CD1B: variants seen among roughly 807,000 people sequenced by gnomAD.
CD1B encodes the protein T-cell surface glycoprotein CD1b.
CD1B carries 43 observed loss-of-function variants against 39.8 expected under a neutral mutation model. The ratio of observed to expected loss-of-function variants is 1.08; its 90% confidence interval spans 0.85 to 1.39. The LOEUF (loss-of-function observed/expected upper bound fraction) is 1.39. CD1B is among the 40% of genes most tolerant of loss of function. The probability of loss-of-function intolerance (pLI) is 0.00; values close to 1 mark genes in which losing one functional copy is unlikely to be tolerated. For synonymous variants in CD1B, 192 were observed against 152.5 expected, an observed-to-expected ratio of 1.26 and a Z score of -1.91; for missense variants, 495 against 403.8, an observed-to-expected ratio of 1.23 and a Z score of -1.94.
the CD1B span, among the ~76,000 whole-genome samples, chr1:158,299,397 T>C: frequency 1.2e-4 from 18 of 152,340 alleles, no homozygotes; most frequent in South Asian, 3.7e-3. Flanking sequence ...CTTTTTGATG[T>C]GCTGCTGGAT....
intron 2 of CD1B, chr1:158,330,548 A>G (rs1557822564): frequency 1.5e-6 from 1 of 673,722 alleles, no homozygotes; most frequent in South Asian, 1.5e-5. Flanking sequence ...TTCACATAAG[A>G]CAAACCAGCA....
At chr1:158,324,284 C>T (rs1652276894), downstream of CD1B, among the ~76,000 whole-genome samples, 1 of 152,138 alleles carries the variant, frequency 6.6e-6, no homozygotes, top group South Asian at 2.1e-4. Flanking sequence ...GGTCTGCAAT[C>T]CCAAAGCTGC....
At chr1:158,312,320 C>T in the CD1B span, among the ~76,000 whole-genome samples, 42 of 152,286 alleles carry the variant, frequency 2.8e-4, no homozygotes, top group South Asian at 2.9e-3. Flanking sequence ...AGTTTCCATG[C>T]ACAAACTCTC....
chr1:158,306,883 G>A, the CD1B span, among the ~76,000 whole-genome samples: 2,584 of 152,132 alleles, frequency 0.017, 30 homozygotes, highest in Non-Finnish European at 0.027. Context: ...TGAAACCAAC[G>A]AGAACAAAGA....
the CD1B span, among the ~76,000 whole-genome samples, chr1:158,289,102 G>T: frequency 0.031 from 4,784 of 152,216 alleles, 240 homozygotes; most frequent in African/African-American, 0.11. Flanking sequence ...CTTCCCAGGG[G>T]GTTAGTCAGT....
At chr1:158,294,451 C>T in the CD1B span, among the ~76,000 whole-genome samples, 1 of 152,098 alleles carries the variant, frequency 6.6e-6, no homozygotes, top group Non-Finnish European at 1.5e-5. Context: ...ATGTTTGCTT[C>T]CTCAATCTGT....
At position 158,329,494 on chromosome 1, in the gene CD1B, C is replaced by T; in HGVS notation, c.762G>A (p.Leu254=). 1 of 1,614,150 alleles carries T rather than the reference C, an allele frequency of 6.2e-7. No individual in the cohort carries two copies. The highest frequency in any genetic ancestry group is 1.7e-5 in the Admixed American group (1 of 60,008). ...EQQGTQLGDI[L]PNANWTWYLR... ...GATACCATGTCCAGTTAGCATTGGG[C>T]AGGATGTCCCCTAGCTGAGTGCCCT... Residue 254 remains leucine (L), a synonymous_variant, in exon 4 of 6, where the codon CTG becomes CTA. Coordinates refer to ENST00000368168, the MANE Select transcript of CD1B (RefSeq NM_001764.3).
chr1:158,312,826 G>T, the CD1B span, among the ~76,000 whole-genome samples: 1 of 152,034 alleles, frequency 6.6e-6, no homozygotes, highest in Admixed American at 6.6e-5. Context: ...CTTTTTAATT[G>T]TATGCCCCGT....
In CD1B at chr1:158,330,818, A is replaced by T. The variant is rs552521079; in HGVS notation, c.306T>A (p.Phe102Leu). 1 of 1,614,202 alleles carries T rather than the reference A, an allele frequency of 6.2e-7. No individual in the cohort carries two copies. The highest frequency in any genetic ancestry group is 2.2e-5 in the East Asian group (1 of 44,880). The change falls in exon 2 of 6, where the codon TTT becomes TTA. Residue 102 changes from phenylalanine (F) to leucine (L), a missense_variant. By Grantham distance (22) the Phe-to-Leu change is conservative. Coordinates refer to ENST00000368168, the MANE Select transcript of CD1B (RefSeq NM_001764.3). ...CACATTTCATCTGGAAATCACCGGC[A>T]AAGTCTTGTACTTCTCGAGCGAATC... ...IFGFAREVQD[F>L]AGDFQMKYPF... is the part of the protein sequence containing the mutation.
the CD1B span, among the ~76,000 whole-genome samples, chr1:158,295,187 G>C: frequency 1.3e-5 from 2 of 152,114 alleles, no homozygotes; most frequent in Admixed American, 6.5e-5. Context: ...CTCCCACCAA[G>C]AGACAAGACC....
chr1:158,314,265 AG>A, the CD1B span, among the ~76,000 whole-genome samples: 1 of 152,030 alleles, frequency 6.6e-6, no homozygotes. Context: ...TTGTATTTTT[AG>A]TAGAGATGGG....
downstream of CD1B, among the ~76,000 whole-genome samples, chr1:158,324,676 T>C (rs1209838706): frequency 6.6e-6 from 1 of 152,094 alleles, no homozygotes; most frequent in Non-Finnish European, 1.5e-5. Flanking sequence ...TTTTAGGTTT[T>C]CCCCCTTAGA....
At chr1:158,328,333 T>C (rs1226181250) in intron 5 of CD1B, 76 bp from the exon 6 acceptor site, 1 of 1,264,866 alleles carries the variant, frequency 7.9e-7, no homozygotes, top group African/African-American at 1.5e-5. Flanking sequence ...ATATTATTCA[T>C]GATAGTTAAA....
the CD1B span, among the ~76,000 whole-genome samples, chr1:158,304,252 C>A: frequency 1.3e-5 from 2 of 152,130 alleles, no homozygotes; most frequent in South Asian, 4.1e-4. Context: ...TAATACTGTG[C>A]TTTTCCAATG....
At chr1:158,315,403 G>A in the CD1B span, among the ~76,000 whole-genome samples, 5 of 151,826 alleles carry the variant, frequency 3.3e-5, no homozygotes, top group Admixed American at 6.6e-5. Context: ...TTCTCTGATG[G>A]CCAGTGATGA....
chr1:158,285,895 G>A, the CD1B span, among the ~76,000 whole-genome samples: 6 of 152,142 alleles, frequency 3.9e-5, no homozygotes, highest in East Asian at 1.9e-4. Context: ...TAAGAGTCAC[G>A]TGGCTGTGGG....
the CD1B span, among the ~76,000 whole-genome samples, chr1:158,294,651 T>C: frequency 6.6e-6 from 1 of 152,310 alleles, no homozygotes; most frequent in South Asian, 2.1e-4. Flanking sequence ...CTCATACCTG[T>C]TTGTAGTCAA....
chr1:158,308,453 A>T, the CD1B span, among the ~76,000 whole-genome samples: 1 of 152,172 alleles, frequency 6.6e-6, no homozygotes, highest in Non-Finnish European at 1.5e-5. Context: ...GTTACCAATG[A>T]CTTTCTTCAC....
At chr1:158,324,639 CA>C (rs1159883741), downstream of CD1B, among the ~76,000 whole-genome samples, 1 of 151,952 alleles carries the variant, frequency 6.6e-6, no homozygotes, top group South Asian at 2.1e-4. Context: ...TATTTATCCT[CA>C]AAAAAATTTC....
Sources: allele counts gnomAD v4.1 joint callset (sites outside exome capture counted in the v4.1 genomes callset), GRCh38; gene constraint gnomAD v4.1.1; transcripts MANE v1.5; gene names NCBI Gene and HGNC (gene_info 2026-07-23, HGNC 2026-07-21).